Variants in DOCK10 observed in about 807,000 individuals in gnomAD.
DOCK10 encodes dedicator of cytokinesis protein 10.
Under a neutral mutation model 280.1 loss-of-function variants are expected in DOCK10, and 145 were observed. The observed-to-expected ratio is 0.52, with a 90% CI of 0.45 to 0.59. DOCK10 has a LOEUF of 0.59. DOCK10 is among the 20% of genes least tolerant of loss of function. The pLI is 0.00. For missense variants in DOCK10, 2,368 were observed against 2,651.7 expected (o/e 0.89, Z 2.35); for synonymous variants, 915 against 942.2 (o/e 0.97, Z 0.53).
chr2:224,766,737 ATC>A (rs1690098975), intron 55 of DOCK10, among the ~76,000 whole-genome samples: 3 of 152,360 alleles, frequency 2.0e-5, no homozygotes, highest in South Asian at 4.1e-4. Flanking sequence ...CCAAATGGGC[ATC>A]TTATACTGAT....
intron 7 of DOCK10, among the ~76,000 whole-genome samples, chr2:224,883,421 G>C (rs1341870013): frequency 2.0e-5 from 3 of 152,180 alleles, no homozygotes; most frequent in Non-Finnish European, 2.9e-5. Flanking sequence ...AAAATATCCG[G>C]AACGTAAATC....
rs66902027 is a variant in DOCK10, at chr2:224,830,617, T to TG, written c.2965-6dup. The TG allele has an allele frequency of 1.3e-6, 2 of 1,515,166 alleles. No homozygotes were observed. The highest frequency in any genetic ancestry group is 8.9e-7 in the Non-Finnish European group (1 of 1,123,742). The allele number at this position is 1,515,166 out of a possible 1,614,324, so 93.9% of individuals were successfully genotyped here. On this transcript the variant is annotated splice_polypyrimidine_tract_variant and splice_region_variant and intron_variant, in intron 26 of 55. Coordinates refer to ENST00000258390, the MANE Select transcript of DOCK10 (RefSeq NM_014689.3). The stretch of plus-strand genomic sequence containing the variant: ...TGCAAAGAAGAACCAGGAATGCTGT[T>TG]GGGAAAAAAAAGGCAACGAGACATT...
chr2:224,774,961 G>C lies in DOCK10; in HGVS notation c.5957C>G (p.Ser1986Trp). 1 of 1,611,214 alleles carries C rather than the reference G, an allele frequency of 6.2e-7. No individual in the cohort carries two copies. Among genetic ancestry groups the C allele is most frequent in the East Asian group, 2.2e-5 (1 of 44,770 alleles). The change falls in exon 52 of 56, where the codon TCG (serine) becomes TGG (tryptophan). Residue 1986 changes from serine to tryptophan, a missense_variant. Transcript: ENST00000258390. Reference sequence around the variant, plus strand: ...CGCCACCCCACCGTGCTTCTTGCCCGACAGCGTGAAGGGTGTCTCGAAGAC... The same window carrying C: ...CGCCACCCCACCGTGCTTCTTGCCCCACAGCGTGAAGGGTGTCTCGAAGAC... ...RFVFETPFTL[S>W]GKKHGGVAEQ...
At chr2:224,852,469 A>C (rs1247619276) in intron 17 of DOCK10, 27 bp from the exon 18 acceptor site, 2 of 1,537,194 alleles carry the variant, frequency 1.3e-6, no homozygotes, top group Admixed American at 4.0e-5. Context: ...AAAAAATGGA[A>C]ATTGTAATTT....
intron 26 of DOCK10, among the ~76,000 whole-genome samples, chr2:224,833,092 G>C (rs1004181952): frequency 6.6e-6 from 1 of 152,124 alleles, no homozygotes; most frequent in African/African-American, 2.4e-5. Context: ...CTGCTTCTCT[G>C]ATAGCCCCTC....
At chr2:224,885,630 AT>A in intron 7 of DOCK10, 40 bp downstream of exon 7, 1 of 1,511,316 alleles carries the variant, frequency 6.6e-7, no homozygotes, top group Non-Finnish European at 8.8e-7. Context: ...TACTTTTCAA[AT>A]AAAAAAAAAT....
intron 3 of DOCK10, among the ~76,000 whole-genome samples, chr2:224,915,734 C>T (rs1229815519): frequency 5.9e-5 from 9 of 152,154 alleles, no homozygotes; most frequent in African/African-American, 1.7e-4. Context: ...ATTTTGTCAC[C>T]ATATTTTCTA....
chr2:224,799,682 G>A (rs1390406509), intron 41 of DOCK10, among the ~76,000 whole-genome samples: 1 of 152,186 alleles, frequency 6.6e-6, no homozygotes, highest in Non-Finnish European at 1.5e-5. Context: ...CAAAACTTTG[G>A]ATGGTCAGTC....
rs113265459 is a variant in DOCK10 at position 224,795,011 on chromosome 2, G to C, written c.5022C>G (p.His1674Gln). The C allele has an allele frequency of 5.0e-6, 8 of 1,613,668 alleles. No individual in the cohort carries two copies. Among genetic ancestry groups the C allele is most frequent in the Non-Finnish European group, 6.8e-6 (8 of 1,179,842 alleles). Reference protein sequence around the residue: ...VLMATAQMKEHEKDPEMLVDL... With the variant: ...VLMATAQMKEQEKDPEMLVDL... ...CCACCAGCATCTCGGGGTCCTTCTCGTGCTCCTTCATCTGAGCTGTGGCCA... is the reference window on the plus strand; with the variant it reads ...CCACCAGCATCTCGGGGTCCTTCTCCTGCTCCTTCATCTGAGCTGTGGCCA... Residue 1674 changes from histidine to glutamine, a missense_variant, in exon 45 of 56, where the codon CAC becomes CAG. Coordinates refer to ENST00000258390, the MANE Select transcript of DOCK10 (RefSeq NM_014689.3).
intron 2 of DOCK10, among the ~76,000 whole-genome samples, chr2:224,920,213 C>T (rs532253772): frequency 6.6e-6 from 1 of 150,580 alleles, no homozygotes; most frequent in Admixed American, 6.6e-5. Context: ...CAGGTGCGCA[C>T]CACTATGCCT....
intron 1 of DOCK10, among the ~76,000 whole-genome samples, chr2:224,951,733 A>C (rs1472598638): frequency 2.0e-5 from 3 of 152,090 alleles, no homozygotes; most frequent in Non-Finnish European, 4.4e-5. Context: ...GAACCACAAG[A>C]CTTAAACCTA....
At chr2:224,968,905 A>G (rs2126200810) in intron 1 of DOCK10, among the ~76,000 whole-genome samples, 1 of 152,366 alleles carries the variant, frequency 6.6e-6, no homozygotes, top group East Asian at 1.9e-4. Context: ...AAACAGAGCC[A>G]CAGACAGACA....
intron 41 of DOCK10, 94 bp downstream of exon 41, chr2:224,800,057 T>C (rs1692870695): frequency 1.5e-6 from 1 of 676,288 alleles, no homozygotes; most frequent in African/African-American, 2.1e-5. Context: ...ATTGATTTCA[T>C]AAATAATTAA....
rs1211323414 is a variant in DOCK10 at position 224,864,651 on chromosome 2, G to T, written c.1504C>A (p.His502Asn). 5 of 1,612,692 alleles carry T rather than the reference G, an allele frequency of 3.1e-6. No individual in the cohort carries two copies. Among genetic ancestry groups the T allele is most frequent in the Non-Finnish European group, 4.2e-6 (5 of 1,179,642 alleles). Reference protein sequence around the residue: ...KQAVFSVSNPHSEIVLVAKIE... With the variant: ...KQAVFSVSNPNSEIVLVAKIE... ...TTGGCCACCAAAACAATTTCAGAAT[G>T]TGGATTGCTTACAGAAAATACAGCC... is the stretch of plus-strand genomic sequence containing the variant. The change falls in exon 13 of 56, where the codon CAT becomes AAT. Residue 502 changes from histidine to asparagine, a missense_variant. By Grantham distance (68) the His-to-Asn change is moderately conservative. This residue lies in a region of DOCK10 where 1,209 missense variants were observed against 1,250.9 expected (regional missense o/e 0.97). Transcript: ENST00000258390.
At chr2:224,825,764 C>A (rs1367510510) in intron 27 of DOCK10, among the ~76,000 whole-genome samples, 1 of 152,108 alleles carries the variant, frequency 6.6e-6, no homozygotes, top group Non-Finnish European at 1.5e-5. Context: ...CCTAAAGACT[C>A]GAGGTGGAAG....
At chr2:224,801,757 C>T (rs1443302422) in intron 40 of DOCK10, among the ~76,000 whole-genome samples, 159 bp downstream of exon 40, 2 of 152,088 alleles carry the variant, frequency 1.3e-5, no homozygotes, top group Non-Finnish European at 2.9e-5. Flanking sequence ...TAGGGCACTA[C>T]ATTTTTTTTT....
At position 224,849,500 on chromosome 2, in the gene DOCK10, C is replaced by T; in HGVS notation, c.2235+7G>A. ...ACCGCTGGGGGCAGTGGAGGGCTAG[C>T]TCTTACCTCATCTGAGAAATCCGGA... is the stretch of plus-strand genomic sequence containing the variant. On this transcript the variant is annotated splice_region_variant and intron_variant, in intron 19 of 55. Transcript: ENST00000258390. The T allele has an allele frequency of 6.2e-7, 1 of 1,604,688 alleles. No individual in the cohort carries two copies. Among genetic ancestry groups the T allele is most frequent in the South Asian group, 1.1e-5 (1 of 89,146 alleles).
At chr2:224,932,955 C>G (rs1702480276) in intron 1 of DOCK10, among the ~76,000 whole-genome samples, 1 of 151,890 alleles carries the variant, frequency 6.6e-6, no homozygotes, top group Non-Finnish European at 1.5e-5. Context: ...CAAGGGTCAT[C>G]ATATACTTTC....
At chr2:224,826,192 T>A (rs1232773979) in intron 27 of DOCK10, among the ~76,000 whole-genome samples, 1 of 152,138 alleles carries the variant, frequency 6.6e-6, no homozygotes, top group Non-Finnish European at 1.5e-5. Flanking sequence ...GCCTCCTGAG[T>A]AGCTGGGATT....
Sources: allele counts gnomAD v4.1 joint callset (sites outside exome capture counted in the v4.1 genomes callset), GRCh38; gene constraint gnomAD v4.1.1; regional missense constraint gnomAD v4.1.1; transcripts MANE v1.5; gene names NCBI Gene and HGNC (gene_info 2026-07-23, HGNC 2026-07-21).